The following ATP8A2 variants were observed in gnomAD, a reference collection of about 807,000 sequenced individuals.
ATP8A2 encodes the protein ATPase phospholipid transporting 8A2.
In ATP8A2, 100 loss-of-function variants were observed where a neutral mutation model predicts 165.6. The observed-to-expected ratio is 0.60, with a 90% CI of 0.51 to 0.71. The LOEUF is 0.71. Among genes scored for constraint, ATP8A2 ranks in the 30% least tolerant of loss-of-function variants. The probability of loss-of-function intolerance (pLI) is 0.00; values close to 1 mark genes in which losing one functional copy is unlikely to be tolerated. For missense variants in ATP8A2, 1,227 were observed against 1,479.5 expected (o/e 0.83, Z 2.80); for synonymous variants, 543 against 548.8 (o/e 0.99, Z 0.15).
chr13:25,516,552 T>A (rs1425256092), intron 2 of ATP8A2, among the ~76,000 whole-genome samples: 1 of 152,172 alleles, frequency 6.6e-6, no homozygotes, highest in African/African-American at 2.4e-5. Context: ...TTGCGTTTCT[T>A]TTGGGGCAGT....
At chr13:25,666,665 T>G (rs999690025) in intron 24 of ATP8A2, among the ~76,000 whole-genome samples, 2 of 152,148 alleles carry the variant, frequency 1.3e-5, no homozygotes, top group African/African-American at 4.8e-5. Flanking sequence ...TGTTTTTCCT[T>G]TTTTTTGTTA....
At chr13:25,648,502 A>G (rs372588930) in intron 24 of ATP8A2, among the ~76,000 whole-genome samples, 106 of 152,256 alleles carry the variant, frequency 7.0e-4, no homozygotes, top group African/African-American at 2.2e-3. Context: ...TGTCTCTACT[A>G]AAAATACAAA....
At chr13:25,474,531 T>C (rs1397824502) in intron 2 of ATP8A2, among the ~76,000 whole-genome samples, 3 of 148,134 alleles carry the variant, frequency 2.0e-5, no homozygotes, top group Non-Finnish European at 4.4e-5. Flanking sequence ...CACTGCACTC[T>C]AGCCTGGGCG....
In ATP8A2 at chr13:26,022,992, A is replaced by T. The variant is rs186651774; in HGVS notation, c.*3007A>T. ...TCCTGGATGACCCTGCAAAAGGAAG[A>T]GACCAGTTGTACTGTGGGCTTAGTT... On this transcript the variant is annotated 3_prime_UTR_variant, in exon 37 of 37. Coordinates refer to ENST00000381655, the MANE Select transcript of ATP8A2 (RefSeq NM_016529.6). The T allele has an allele frequency of 6.6e-6, 1 of 152,428 alleles. No homozygotes were observed. The highest frequency in any genetic ancestry group is 1.5e-5 in the Non-Finnish European group (1 of 68,098). 9.4% of individuals were successfully genotyped at this position (152,428 alleles called of 1,614,324 possible).
intron 2 of ATP8A2, among the ~76,000 whole-genome samples, chr13:25,528,772 ATGC>A (rs2037925704): frequency 1.4e-5 from 1 of 71,406 alleles, no homozygotes; most frequent in Non-Finnish European, 3.7e-5. Context: ...CAACATGTGT[ATGC>A]ACACATATGC....
At chr13:25,732,173 G>A (rs901226019) in intron 25 of ATP8A2, among the ~76,000 whole-genome samples, 2 of 152,230 alleles carry the variant, frequency 1.3e-5, no homozygotes, top group African/African-American at 4.8e-5. Flanking sequence ...AAAGGAGGCA[G>A]CTTTTTCCTA....
intron 2 of ATP8A2, 113 bp from the exon 3 acceptor site, chr13:25,529,886 T>C (rs1394055782): frequency 1.3e-5 from 8 of 605,542 alleles, no homozygotes; most frequent in Non-Finnish European, 2.2e-5. Flanking sequence ...GTCTTGAGTT[T>C]TGAAACATTT....
At chr13:25,425,649 A>G (rs1352768372) in intron 1 of ATP8A2, among the ~76,000 whole-genome samples, 2 of 151,222 alleles carry the variant, frequency 1.3e-5, no homozygotes, top group Non-Finnish European at 2.9e-5. Flanking sequence ...ATCTCGGCTC[A>G]CTGCAACCTC....
In ATP8A2 at chr13:25,571,704, G is replaced by A. The variant is rs1263761153; in HGVS notation, c.1662+12G>A. On this transcript the variant is annotated intron_variant, in intron 18 of 36. Coordinates refer to ENST00000381655, the MANE Select transcript of ATP8A2 (RefSeq NM_016529.6). ...TCATCATAGAAGCGGTGAGTAACAT[G>A]CGTGTGCACATTTCAGATCACCTGC... 1 of 1,608,846 alleles carries A rather than the reference G, an allele frequency of 6.2e-7. No homozygotes were observed. Among genetic ancestry groups the A allele is most frequent in the Non-Finnish European group, 8.5e-7 (1 of 1,175,274 alleles).
rs748206342 is a variant in ATP8A2 at position 25,953,602 on chromosome 13, G to C, written c.3184-7973G>C. ...GAACAGCTCCAGTCTGTAGCTCCCAGGGAGATCAAGGCAGACAGCGAGTGA... is the reference window on the plus strand; with the variant it reads ...GAACAGCTCCAGTCTGTAGCTCCCACGGAGATCAAGGCAGACAGCGAGTGA... On this transcript the variant is annotated intron_variant, in intron 33 of 36. Coordinates refer to ENST00000381655, the MANE Select transcript of ATP8A2 (RefSeq NM_016529.6). This position sits in a 1 kb window ranked among gnomAD's most constrained non-coding sequence, Gnocchi z 6.7. Among the ~76,000 whole-genome samples, 17 of 150,718 alleles carry C rather than the reference G, an allele frequency of 1.1e-4. No individual in the cohort carries two copies. The highest frequency in any genetic ancestry group is 2.2e-4 in the Non-Finnish European group (15 of 67,880).
In ATP8A2 at chr13:25,767,833, C is replaced by T. The variant is rs184968352; in HGVS notation, c.2385-1213C>T. On this transcript the variant is annotated intron_variant, in intron 25 of 36. Coordinates refer to ENST00000381655, the MANE Select transcript of ATP8A2 (RefSeq NM_016529.6). ...TGGTTCTACATTCAGTTTGCTGTCT[C>T]GCCAAATGCATTTCTTTCTCAAGTT... Among the ~76,000 whole-genome samples, 17 of 152,226 alleles carry T rather than the reference C, an allele frequency of 1.1e-4. No individual in the cohort carries two copies. The South Asian group carries it at 3.1e-3, about 28-fold the overall frequency.
intron 6 of ATP8A2, among the ~76,000 whole-genome samples, chr13:25,533,557 T>A (rs1417707294): frequency 1.3e-5 from 2 of 152,250 alleles, no homozygotes; most frequent in Admixed American, 1.3e-4. Context: ...ATTTTCTAGT[T>A]TCTAAATCCA....
At chr13:25,795,514 G>T (rs1950482764) in intron 27 of ATP8A2, among the ~76,000 whole-genome samples, 1 of 152,142 alleles carries the variant, frequency 6.6e-6, no homozygotes. Flanking sequence ...TTTTTAGTGG[G>T]AATGAATGAA....
chr13:25,993,844 T>C (rs1956441664), intron 35 of ATP8A2, among the ~76,000 whole-genome samples: 1 of 152,198 alleles, frequency 6.6e-6, no homozygotes, highest in African/African-American at 2.4e-5. Flanking sequence ...CGTATATACT[T>C]TTTGGAATGG....
intron 33 of ATP8A2, among the ~76,000 whole-genome samples, chr13:25,924,961 G>A (rs767209450): frequency 1.3e-5 from 2 of 152,142 alleles, no homozygotes; most frequent in African/African-American, 2.4e-5. Context: ...TCAGCCATGC[G>A]TAACTGTGAG....
chr13:25,724,450 T>C (rs987303967), intron 25 of ATP8A2, among the ~76,000 whole-genome samples: 21 of 152,310 alleles, frequency 1.4e-4, no homozygotes, highest in African/African-American at 5.1e-4. Flanking sequence ...GAATTGTGAA[T>C]GATGGCCTGA....
At chr13:25,410,010 G>GTGA (rs79057771) in intron 1 of ATP8A2, among the ~76,000 whole-genome samples, 151,098 of 151,106 alleles carry the variant, frequency 1, 75,545 homozygotes, top group Middle Eastern at 1. Flanking sequence ...ATTTTTGTAT[G>GTGA]TGTATTCAGA....
chr13:25,891,990 C>CTTTTTTTTT lies in ATP8A2; in HGVS notation c.3183+29587_3183+29595dup, dbSNP rs370206922. Among the ~76,000 whole-genome samples the CTTTTTTTTT allele has an allele frequency of 3.4e-3, 480 of 142,670 alleles. 1 individual carries two copies. The highest frequency in any genetic ancestry group is 0.012 in the African/African-American group (458 of 39,010). The allele number at this position is 142,670 out of a possible 152,430, so 93.6% of individuals were successfully genotyped here. The stretch of plus-strand genomic sequence containing the variant: ...GATGTATGACCTTCAAAGCCTTTTT[C>CTTTTTTTTT]TTTTTTTTTTTTTGGAGATGGAGTC... On this transcript the variant is annotated intron_variant, in intron 33 of 36. Transcript: ENST00000381655.
chr13:25,461,640 T>C (rs1179039965), intron 1 of ATP8A2, among the ~76,000 whole-genome samples: 1 of 152,262 alleles, frequency 6.6e-6, no homozygotes. Context: ...TTAACTCATG[T>C]AATAACAGTT....
Sources: gnomAD v4.1 joint callset for allele counts (sites outside exome capture counted in the v4.1 genomes callset) on GRCh38, gnomAD v4.1.1 for gene constraint, Gnocchi (gnomAD v3.1) non-coding constraint, MANE v1.5 for transcripts, NCBI Gene and HGNC (gene_info 2026-07-23, HGNC 2026-07-21) for gene names.